Variants in AEBP2 observed in about 807,000 individuals in gnomAD.
AEBP2 encodes zinc finger protein AEBP2.
In AEBP2, 10 loss-of-function variants were observed where a neutral mutation model predicts 50.8. The ratio of observed to expected loss-of-function variants is 0.20; its 90% CI spans 0.12 to 0.33. The LOEUF (loss-of-function observed/expected upper bound fraction) is 0.33, where lower values mean the gene tolerates loss of function less well. Ranked by LOEUF, AEBP2 falls within the 10% of genes least tolerant of loss-of-function variation. The pLI, the probability that AEBP2 is intolerant of heterozygous loss-of-function variation, is 1.00. For synonymous variants in AEBP2, 296 were observed against 261.3 expected, an observed-to-expected ratio of 1.13 and a Z score of -1.28; for missense variants, 570 against 688.0, an observed-to-expected ratio of 0.83 and a Z score of 1.92.
chr12:19,424,692 G>T (rs563914572), intron 1 of AEBP2, among the ~76,000 whole-genome samples: 1 of 151,374 alleles, frequency 6.6e-6, no homozygotes, highest in Non-Finnish European at 1.5e-5. Context: ...CACCGCGCCC[G>T]GCCTAAGATG....
intron 1 of AEBP2, among the ~76,000 whole-genome samples, chr12:19,429,213 T>C (rs1016467684): frequency 1.3e-5 from 2 of 152,096 alleles, no homozygotes; most frequent in Non-Finnish European, 2.9e-5. Flanking sequence ...CACCTATGAG[T>C]GAGAACATGC....
intron 1 of AEBP2, among the ~76,000 whole-genome samples, chr12:19,426,231 G>A (rs536589349): frequency 6.6e-5 from 10 of 152,212 alleles, no homozygotes; most frequent in Non-Finnish European, 1.2e-4. Flanking sequence ...CACCGCAGCC[G>A]ACCCTATGTT....
At chr12:19,427,595 A>C (rs2095749219) in intron 1 of AEBP2, among the ~76,000 whole-genome samples, 1 of 151,016 alleles carries the variant, frequency 6.6e-6, no homozygotes, top group Non-Finnish European at 1.5e-5. Context: ...GACTTCTATG[A>C]GCGAATTTCC....
chr12:19,416,622 C>CT (rs527414094), intron 1 of AEBP2, among the ~76,000 whole-genome samples: 3,172 of 126,392 alleles, frequency 0.025, 41 homozygotes, highest in Non-Finnish European at 0.037. Context: ...CCAGGCTGGT[C>CT]TTTTTTTTTT....
At chr12:19,468,475 G>T (rs1396533892) in intron 2 of AEBP2, among the ~76,000 whole-genome samples, 1 of 152,056 alleles carries the variant, frequency 6.6e-6, no homozygotes, top group Non-Finnish European at 1.5e-5. Context: ...GAATTTCCTT[G>T]TGCATACTTA....
intron 1 of AEBP2, among the ~76,000 whole-genome samples, chr12:19,443,103 CT>C (rs67170632): frequency 0.83 from 119,027 of 142,678 alleles, 49,683 homozygotes; most frequent in African/African-American, 0.91. Context: ...ATATCTTTTT[CT>C]TTTTTTTTTT....
chr12:19,456,367 G>T, intron 1 of AEBP2: 1 of 1,369,688 alleles, frequency 7.3e-7, no homozygotes, highest in Non-Finnish European at 1.0e-6. Context: ...ACAGCAGCGC[G>T]ACCCAGAGGT....
chr12:19,485,948 C>CTTTTTT (rs60355570), intron 3 of AEBP2, among the ~76,000 whole-genome samples: 19 of 91,192 alleles, frequency 2.1e-4, no homozygotes, highest in African/African-American at 2.8e-4. Context: ...TGAGCCTCTG[C>CTTTTTT]TTTTTTTTTT....
intron 5 of AEBP2, among the ~76,000 whole-genome samples, chr12:19,510,024 G>C (rs993590995): frequency 1.3e-5 from 2 of 151,602 alleles, no homozygotes; most frequent in Non-Finnish European, 2.9e-5. Flanking sequence ...GTAGAGATAG[G>C]GTTTCACCAT....
intron 1 of AEBP2, chr12:19,440,578 C>T (rs1195395033): frequency 6.2e-6 from 9 of 1,443,630 alleles, no homozygotes; most frequent in Admixed American, 2.4e-5. Flanking sequence ...ACCGTTCCCC[C>T]CCAACTCTCC....
intron 1 of AEBP2, among the ~76,000 whole-genome samples, chr12:19,447,209 G>T (rs1292141252): frequency 6.6e-6 from 1 of 152,174 alleles, no homozygotes. Context: ...CTCAGTATAG[G>T]TTTGTGAATC....
At chr12:19,413,071 C>A (rs965006077) in intron 1 of AEBP2, 2 of 555,136 alleles carry the variant, frequency 3.6e-6, no homozygotes, top group Non-Finnish European at 6.6e-6. Flanking sequence ...CAAGCACAGT[C>A]TCAGCTTTTG....
At chr12:19,509,273 G>T in intron 5 of AEBP2, 2 of 263,352 alleles carry the variant, frequency 7.6e-6, no homozygotes, top group Non-Finnish European at 7.5e-6. Context: ...ACTTTTTTAA[G>T]TAATAAAAAT....
At chr12:19,407,665 C>T (rs2095737050) in intron 1 of AEBP2, among the ~76,000 whole-genome samples, 1 of 152,020 alleles carries the variant, frequency 6.6e-6, no homozygotes, top group Non-Finnish European at 1.5e-5. Context: ...TCCTGAACTC[C>T]TGGGCTCAAG....
At chr12:19,512,749 A>T (rs1234118990) in intron 6 of AEBP2, among the ~76,000 whole-genome samples, 5 of 151,678 alleles carry the variant, frequency 3.3e-5, no homozygotes, top group South Asian at 2.1e-4. Context: ...GCAGTTCGAG[A>T]CCAGCCTGGC....
intron 3 of AEBP2, 83 bp downstream of exon 3, chr12:19,473,438 C>A: frequency 3.7e-6 from 2 of 540,610 alleles, no homozygotes; most frequent in Non-Finnish European, 5.0e-6. Context: ...AAGAGTCTCA[C>A]TCTGTTGCCC....
At chr12:19,406,508 G>A (rs1342177689) in intron 1 of AEBP2, among the ~76,000 whole-genome samples, 5 of 151,832 alleles carry the variant, frequency 3.3e-5, no homozygotes, top group Non-Finnish European at 5.9e-5. Flanking sequence ...ATGAAACCCC[G>A]TCTCTACTAA....
At chr12:19,455,049 C>G (rs985079881) in intron 1 of AEBP2, among the ~76,000 whole-genome samples, 1 of 151,144 alleles carries the variant, frequency 6.6e-6, no homozygotes, top group Non-Finnish European at 1.5e-5. Flanking sequence ...GTCATCCAGG[C>G]TGGAGTGCAG....
chr12:19,462,249 T>C (rs1215465173), intron 1 of AEBP2, among the ~76,000 whole-genome samples: 1 of 152,152 alleles, frequency 6.6e-6, no homozygotes, highest in African/African-American at 2.4e-5. Flanking sequence ...TAAGATGTAG[T>C]ATTGAGTTCA....
Sources: gnomAD v4.1 joint callset for allele counts (sites outside exome capture counted in the v4.1 genomes callset) on GRCh38, gnomAD v4.1.1 for gene constraint, MANE v1.5 for transcripts, NCBI Gene and HGNC (gene_info 2026-07-23, HGNC 2026-07-21) for gene names.